The following SPIN1 variants were observed in gnomAD, a reference collection of about 807,000 sequenced individuals.
The protein encoded by SPIN1 is spindlin 1.
In SPIN1, 3 loss-of-function variants were observed where a neutral mutation model predicts 26.0. The ratio of observed to expected loss-of-function variants is 0.12; its 90% CI spans 0.05 to 0.30. The LOEUF is 0.30. Ranked by LOEUF, SPIN1 falls within the 10% of genes least tolerant of loss-of-function variation. SPIN1 has a pLI of 1.00. For synonymous variants in SPIN1, 101 were observed against 116.5 expected (o/e 0.87, Z 0.86); for missense variants, 126 against 333.4 (o/e 0.38, Z 4.84).
At chr9:88,434,411 T>C (rs970676066) in intron 2 of SPIN1, among the ~76,000 whole-genome samples, 1 of 123,136 alleles carries the variant, frequency 8.1e-6, no homozygotes, top group African/African-American at 4.4e-5. Flanking sequence ...ATAAATTCAT[T>C]TTATAAATTA....
intron 2 of SPIN1, among the ~76,000 whole-genome samples, chr9:88,437,045 G>A (rs1828016803): frequency 6.6e-6 from 1 of 151,908 alleles, no homozygotes. Flanking sequence ...GATTACAGGC[G>A]TGAGCCACCG....
At chr9:88,412,541 GT>G (rs1827471734) in intron 1 of SPIN1, among the ~76,000 whole-genome samples, 1 of 152,112 alleles carries the variant, frequency 6.6e-6, no homozygotes, top group Non-Finnish European at 1.5e-5. Context: ...CCGTTTGCCA[GT>G]TTTATGAAAC....
intron 1 of SPIN1, among the ~76,000 whole-genome samples, chr9:88,418,564 T>C (rs2117991506): frequency 1.3e-5 from 2 of 152,320 alleles, no homozygotes; most frequent in Admixed American, 1.3e-4. Context: ...TAAACAGTTT[T>C]AGGAGTCAAT....
At chr9:88,462,277 A>G (rs966106431) in intron 3 of SPIN1, among the ~76,000 whole-genome samples, 3 of 152,212 alleles carry the variant, frequency 2.0e-5, no homozygotes, top group African/African-American at 7.2e-5. Flanking sequence ...GTGCACAACA[A>G]GCTCCTATTA....
At chr9:88,422,035 C>T (rs778143263) in intron 1 of SPIN1, among the ~76,000 whole-genome samples, 2 of 152,038 alleles carry the variant, frequency 1.3e-5, no homozygotes, top group African/African-American at 2.4e-5. Flanking sequence ...CTTTCAATTC[C>T]GTTGTAGTGA....
Position 88,455,041 on chromosome 9 carries a change from T to C in SPIN1, c.101+6052T>C, listed in dbSNP as rs150229586. Among the ~76,000 whole-genome samples the C allele has an allele frequency of 2.1e-4, 32 of 152,360 alleles. No individual in the cohort carries two copies. The East Asian group carries it at 5.8e-3, about 28-fold the overall frequency. ...ACAATAAAATTACATTCTGAAAGAA[T>C]TGCTCTTGAATCACAAAAAGGCAGT... On this transcript the variant is annotated intron_variant, in intron 3 of 5. Transcript: ENST00000375859.
rs187695886 is a variant in SPIN1, at chr9:88,471,059, T to C, written c.589+2454T>C. On this transcript the variant is annotated intron_variant, in intron 5 of 5. Transcript: ENST00000375859. ...GTTTTCTCCTATTCCATGGGCTGTT[T>C]TTACTTTCTTGATGATGATCTTTGC... Among the ~76,000 whole-genome samples, 3 of 152,354 alleles carry C rather than the reference T, an allele frequency of 2.0e-5. No individual in the cohort carries two copies. The East Asian group carries it at 5.8e-4, about 29-fold the overall frequency.
At chr9:88,408,376 CTTTTTTT>C (rs1177261349) in intron 1 of SPIN1, among the ~76,000 whole-genome samples, 5 of 115,438 alleles carry the variant, frequency 4.3e-5, no homozygotes, top group East Asian at 2.4e-4. Flanking sequence ...TCCTTTTTTT[CTTTTTTT>C]TTTTTTTTTT....
rs368060799 is a variant in SPIN1, at chr9:88,430,082, T to A, written c.52+3491T>A. Among the ~76,000 whole-genome samples the A allele has an allele frequency of 2.6e-5, 4 of 152,202 alleles. No individual in the cohort carries two copies. The East Asian group carries it at 5.8e-4, about 22-fold the overall frequency. On this transcript the variant is annotated intron_variant, in intron 2 of 5. Coordinates refer to ENST00000375859, the MANE Select transcript of SPIN1 (RefSeq NM_006717.3). The stretch of plus-strand genomic sequence containing the variant: ...AGACAAATGCTCTGCTGCTTCTAAG[T>A]CCCTGTATCAGTAACCAATGTGTCT...
In SPIN1 at chr9:88,462,949, G is replaced by A. The variant is rs576898901; in HGVS notation, c.355+200G>A. On this transcript the variant is annotated intron_variant, in intron 4 of 5. Transcript: ENST00000375859. ...AACTGTGTGAGGGATATAGAGATGT[G>A]TATTTTCCCCCCAAGAAGTTTGCCA... is the stretch of plus-strand genomic sequence containing the variant. Among the ~76,000 whole-genome samples, 5 of 152,170 alleles carry A rather than the reference G, an allele frequency of 3.3e-5. No homozygotes were observed. The East Asian group carries it at 9.7e-4, about 29-fold the overall frequency.
At chr9:88,473,421 T>C (rs1828829544) in intron 5 of SPIN1, among the ~76,000 whole-genome samples, 2 of 151,998 alleles carry the variant, frequency 1.3e-5, no homozygotes, top group Admixed American at 6.6e-5. Context: ...TGTGTACATT[T>C]GTTATAAAGG....
chr9:88,438,126 G>A (rs1828044836), intron 2 of SPIN1, among the ~76,000 whole-genome samples: 1 of 151,688 alleles, frequency 6.6e-6, no homozygotes, highest in Admixed American at 6.6e-5. Flanking sequence ...ACTCCAGCCT[G>A]GGCCACAGAG....
chr9:88,436,806 C>A lies in SPIN1; in HGVS notation c.52+10215C>A, dbSNP rs561475215. On this transcript the variant is annotated intron_variant, in intron 2 of 5. Coordinates refer to ENST00000375859, the MANE Select transcript of SPIN1 (RefSeq NM_006717.3). Reference sequence around the variant, plus strand: ...TTGAGACGGAGTCTCGCTCTGTCGCCCAGGCTGGAGTGCAGTGGCGGGATC... The same window carrying A: ...TTGAGACGGAGTCTCGCTCTGTCGCACAGGCTGGAGTGCAGTGGCGGGATC... Among the ~76,000 whole-genome samples, 92 of 138,254 alleles carry A rather than the reference C, an allele frequency of 6.7e-4. 1 individual carries two copies. The highest frequency in any genetic ancestry group is 1.1e-3 in the Non-Finnish European group (69 of 65,640). 90.7% of individuals were successfully genotyped at this position (138,254 alleles called of 152,430 possible).
intron 3 of SPIN1, among the ~76,000 whole-genome samples, chr9:88,450,309 C>T (rs1462470420): frequency 6.6e-6 from 1 of 152,064 alleles, no homozygotes; most frequent in Non-Finnish European, 1.5e-5. Flanking sequence ...GCAAGTTAAA[C>T]CTTAACTTTG....
intron 1 of SPIN1, among the ~76,000 whole-genome samples, chr9:88,402,554 T>C (rs1185154562): frequency 6.6e-6 from 1 of 151,112 alleles, no homozygotes; most frequent in Non-Finnish European, 1.5e-5. Context: ...TGTTAGAACA[T>C]GTGTTATTTG....
intron 5 of SPIN1, among the ~76,000 whole-genome samples, chr9:88,470,328 C>G (rs1002685246): frequency 2.0e-5 from 3 of 152,110 alleles, no homozygotes; most frequent in Middle Eastern, 3.2e-3. Flanking sequence ...TGGGTATATA[C>G]CTAGGAGTGG....
chr9:88,411,008 G>A (rs1358144803), intron 1 of SPIN1: 3 of 1,567,084 alleles, frequency 1.9e-6, no homozygotes, highest in African/African-American at 1.3e-5. Flanking sequence ...GTCGTCAAAG[G>A]TTACAAAGGC....
intron 4 of SPIN1, among the ~76,000 whole-genome samples, chr9:88,467,735 G>A (rs760293984): frequency 6.6e-5 from 10 of 151,768 alleles, no homozygotes; most frequent in Non-Finnish European, 1.3e-4. Context: ...GTGACACAAC[G>A]ATTACTTTGG....
At chr9:88,459,545 G>T (rs1240417991) in intron 3 of SPIN1, among the ~76,000 whole-genome samples, 2 of 146,472 alleles carry the variant, frequency 1.4e-5, no homozygotes, top group Non-Finnish European at 3.0e-5. Flanking sequence ...ATTCTTTTTT[G>T]ATCTAAGTTT....
Sources: gnomAD v4.1 joint callset for allele counts (sites outside exome capture counted in the v4.1 genomes callset) on GRCh38, gnomAD v4.1.1 for gene constraint, MANE v1.5 for transcripts, NCBI Gene and HGNC (gene_info 2026-07-23, HGNC 2026-07-21) for gene names.